DTNA: variants seen among roughly 807,000 people sequenced by gnomAD.
DTNA encodes the protein dystrobrevin alpha, also known as dystrophin-related protein 3.
A neutral mutation model predicts 100.7 loss-of-function variants in DTNA; 43 were observed. That is an observed-to-expected ratio of 0.43 (90% CI 0.33 to 0.55). DTNA has a LOEUF of 0.55. DTNA is among the 20% of genes least tolerant of loss of function. DTNA has a pLI of 0.04. For synonymous variants in DTNA, 349 were observed against 347.9 expected, an observed-to-expected ratio of 1.00 and a Z score of -0.04; for missense variants, 798 against 953.9, an observed-to-expected ratio of 0.84 and a Z score of 2.15.
At chr18:34,517,794 T>C (rs537418774) in intron 1 of DTNA, among the ~76,000 whole-genome samples, 3 of 152,182 alleles carry the variant, frequency 2.0e-5, no homozygotes, top group Non-Finnish European at 4.4e-5. Flanking sequence ...TTCCTTTTAA[T>C]TTCTGAGTAG....
chr18:34,743,295 T>G (rs910962996), intron 1 of DTNA, among the ~76,000 whole-genome samples: 1 of 152,182 alleles, frequency 6.6e-6, no homozygotes, highest in Admixed American at 6.5e-5. Flanking sequence ...CCCCGCCTGT[T>G]TCTTTTCCAT....
At chr18:34,643,883 C>G (rs1431842847) in intron 1 of DTNA, among the ~76,000 whole-genome samples, 1 of 152,024 alleles carries the variant, frequency 6.6e-6, no homozygotes, top group Non-Finnish European at 1.5e-5. Flanking sequence ...ATCTTTTATA[C>G]CTATAAAATT....
At chr18:34,591,880 A>G (rs1371720501) in intron 1 of DTNA, among the ~76,000 whole-genome samples, 1 of 152,246 alleles carries the variant, frequency 6.6e-6, no homozygotes, top group Non-Finnish European at 1.5e-5. Flanking sequence ...TCACTAAAAT[A>G]GGCTAGTAAT....
At chr18:34,584,131 T>C (rs12964721) in intron 1 of DTNA, among the ~76,000 whole-genome samples, 15,656 of 152,136 alleles carry the variant, frequency 0.1, 1,166 homozygotes, top group African/African-American at 0.21. Context: ...TCCTAGAGGG[T>C]CTGACTACCC....
intron 19 of DTNA, 140 bp from the exon 20 acceptor site, chr18:34,879,411 T>C: frequency 1.2e-6 from 1 of 834,350 alleles, no homozygotes. Context: ...TTTGAAACAA[T>C]AAAAATGTAT....
intron 1 of DTNA, among the ~76,000 whole-genome samples, chr18:34,648,449 G>C (rs1048058663): frequency 6.6e-6 from 1 of 152,206 alleles, no homozygotes; most frequent in African/African-American, 2.4e-5. Context: ...CTAAATCAGT[G>C]CAGTGGTTTA....
At chr18:34,739,996 T>C (rs1376052229) in intron 1 of DTNA, among the ~76,000 whole-genome samples, 1 of 152,130 alleles carries the variant, frequency 6.6e-6, no homozygotes, top group Non-Finnish European at 1.5e-5. Context: ...TGATTCAAGT[T>C]TCAAGCCTAA....
intron 1 of DTNA, among the ~76,000 whole-genome samples, chr18:34,739,439 A>G (rs2090221576): frequency 6.6e-6 from 1 of 152,194 alleles, no homozygotes; most frequent in South Asian, 2.1e-4. Context: ...TTTGCAGACT[A>G]TTAATGGACC....
rs1035406588 is a variant in DTNA at position 34,692,579 on chromosome 18, C to T, written c.-1-63397C>T. On this transcript the variant is annotated intron_variant, in intron 1 of 19. Transcript: ENST00000283365. ...AAAATTTTCCATTTAAAACATTTCCCGAGGAGTAAGCTATTTATAACTGCA... is the reference window on the plus strand; with the variant it reads ...AAAATTTTCCATTTAAAACATTTCCTGAGGAGTAAGCTATTTATAACTGCA... Among the ~76,000 whole-genome samples the T allele has an allele frequency of 3.3e-5, 5 of 152,186 alleles. No homozygotes were observed. In the South Asian group the frequency reaches 6.2e-4, roughly 19 times the overall value.
At chr18:34,584,950 C>T (rs1363616025) in intron 1 of DTNA, among the ~76,000 whole-genome samples, 1 of 152,080 alleles carries the variant, frequency 6.6e-6, no homozygotes, top group Non-Finnish European at 1.5e-5. Context: ...GTAAAGAAAT[C>T]CCTTGAAATT....
At chr18:34,651,323 T>C (rs1426886915) in intron 1 of DTNA, among the ~76,000 whole-genome samples, 1 of 152,212 alleles carries the variant, frequency 6.6e-6, no homozygotes, top group Non-Finnish European at 1.5e-5. Context: ...AAGGTAATAC[T>C]TGAAAAGTAT....
At chr18:34,509,366 A>T (rs1318067042) in intron 1 of DTNA, among the ~76,000 whole-genome samples, 2 of 152,134 alleles carry the variant, frequency 1.3e-5, no homozygotes, top group African/African-American at 4.8e-5. Flanking sequence ...ATGCTTTGAT[A>T]GGAAGTACAC....
intron 2 of DTNA, among the ~76,000 whole-genome samples, chr18:34,758,723 A>G (rs1449822291): frequency 6.6e-6 from 1 of 152,260 alleles, no homozygotes; most frequent in African/African-American, 2.4e-5. Flanking sequence ...GGGCAGAGAA[A>G]GAATTTACAA....
Position 34,890,556 on chromosome 18 carries a change from G to A in DTNA, c.*2822G>A. ...ACATCCATCTCCATCAGAGCTGATAGCCTGTTAATAAGCACTGGTCTAACA... is the reference window on the plus strand; with the variant it reads ...ACATCCATCTCCATCAGAGCTGATAACCTGTTAATAAGCACTGGTCTAACA... On this transcript the variant is annotated 3_prime_UTR_variant, in exon 23 of 23. Coordinates refer to ENST00000444659, the MANE Select transcript of DTNA (RefSeq NM_001386795.1). 2 of 1,455,648 alleles carry A rather than the reference G, an allele frequency of 1.4e-6. No individual in the cohort carries two copies. The highest frequency in any genetic ancestry group is 1.3e-5 in the South Asian group (1 of 75,770). The allele number at this position is 1,455,648 out of a possible 1,614,324, so 90.2% of individuals were successfully genotyped here.
intron 1 of DTNA, among the ~76,000 whole-genome samples, chr18:34,653,898 T>C (rs1475719592): frequency 6.6e-6 from 1 of 152,216 alleles, no homozygotes; most frequent in Non-Finnish European, 1.5e-5. Flanking sequence ...CAGCTTTGAA[T>C]TGGAGACTCA....
In DTNA at chr18:34,866,527, A is replaced by ATGAGGT. The variant is rs1424671432; in HGVS notation, c.1743+2465_1743+2466insTGAGGT. On this transcript the variant is annotated intron_variant, in intron 17 of 22. Transcript: ENST00000444659. ...TGAGGTTCATGTCATCCCAAAACCC[A>ATGAGGT]CAGCACTCAGAAGCTAACCTCTACA... 2.7e-6 allele frequency: 3 copies of ATGAGGT among 1,125,178 alleles called. No homozygotes were observed. The Admixed American group carries it at 1.3e-4, about 47-fold the overall frequency. The allele number at this position is 1,125,178 out of a possible 1,614,324, so 69.7% of individuals were successfully genotyped here.
chr18:34,848,443 G>A, intron 14 of DTNA, 60 bp downstream of exon 14: 1 of 1,535,322 alleles, frequency 6.5e-7, no homozygotes, highest in Non-Finnish European at 9.0e-7. Flanking sequence ...AATTTTATAT[G>A]TCATGTTTAT....
chr18:34,600,572 C>T, intron 1 of DTNA, among the ~76,000 whole-genome samples: 1 of 152,182 alleles, frequency 6.6e-6, no homozygotes, highest in East Asian at 1.9e-4. Flanking sequence ...TCTTCCAATG[C>T]ATATGAACTT....
upstream of DTNA, chr18:34,709,423 G>T (rs2082509147): frequency 6.6e-6 from 1 of 152,240 alleles, no homozygotes; most frequent in South Asian, 2.1e-4. Flanking sequence ...ACCATGGTGG[G>T]AGGAAGGACC....
Sources: gnomAD v4.1 joint callset for allele counts (sites outside exome capture counted in the v4.1 genomes callset) on GRCh38, gnomAD v4.1.1 for gene constraint, MANE v1.5 for transcripts, NCBI Gene and HGNC (gene_info 2026-07-23, HGNC 2026-07-21) for gene names.